FBXL7: variants seen among roughly 807,000 people sequenced by gnomAD.
The protein encoded by FBXL7 is F-box/LRR-repeat protein 7.
In FBXL7, 12 loss-of-function variants were observed where a neutral mutation model predicts 38.3. That is an observed-to-expected ratio of 0.31 (90% CI 0.20 to 0.51). The LOEUF is 0.51. FBXL7 is among the 20% of genes least tolerant of loss of function. The pLI is 0.98. For missense variants in FBXL7, 567 were observed against 676.4 expected (o/e 0.84, Z 1.79); for synonymous variants, 297 against 300.9 (o/e 0.99, Z 0.13).
At chr5:15,615,800 A>G (rs970538840) in intron 1 of FBXL7, among the ~76,000 whole-genome samples, 183 bp from the exon 2 acceptor site, 4 of 152,224 alleles carry the variant, frequency 2.6e-5, no homozygotes, top group African/African-American at 9.6e-5. Flanking sequence ...TATAACATGG[A>G]TCAGATATTT....
chr5:15,654,389 C>T (rs1741807593), intron 2 of FBXL7, among the ~76,000 whole-genome samples: 1 of 143,198 alleles, frequency 7.0e-6, no homozygotes. Flanking sequence ...CCTTTTAATT[C>T]TGTATGGGAG....
chr5:15,736,881 T>C (rs1561105972), intron 2 of FBXL7, among the ~76,000 whole-genome samples: 1 of 152,238 alleles, frequency 6.6e-6, no homozygotes, highest in Non-Finnish European at 1.5e-5. Flanking sequence ...TCATGACTAC[T>C]GAGAGTTGGA....
intron 1 of FBXL7, among the ~76,000 whole-genome samples, chr5:15,586,454 T>C (rs548637070): frequency 6.6e-6 from 1 of 151,822 alleles, no homozygotes; most frequent in South Asian, 2.1e-4. Flanking sequence ...TGGAAACATA[T>C]AACTTTCATG....
At chr5:15,727,796 G>T (rs947384312) in intron 2 of FBXL7, among the ~76,000 whole-genome samples, 2 of 152,080 alleles carry the variant, frequency 1.3e-5, no homozygotes, top group African/African-American at 4.8e-5. Flanking sequence ...CATTACTTCT[G>T]TAAATATTCT....
At chr5:15,540,163 T>C (rs2126405798) in intron 1 of FBXL7, among the ~76,000 whole-genome samples, 1 of 152,302 alleles carries the variant, frequency 6.6e-6, no homozygotes, top group South Asian at 2.1e-4. Context: ...CTTCTGTTCT[T>C]GTCCCTCTAA....
intron 2 of FBXL7, among the ~76,000 whole-genome samples, chr5:15,621,731 T>C (rs1740650517): frequency 6.6e-6 from 1 of 152,238 alleles, no homozygotes; most frequent in Non-Finnish European, 1.5e-5. Context: ...GAGTCAGCTT[T>C]GGCCAGCTGT....
intron 2 of FBXL7, among the ~76,000 whole-genome samples, chr5:15,891,657 T>C (rs1740907756): frequency 6.6e-6 from 1 of 152,218 alleles, no homozygotes; most frequent in African/African-American, 2.4e-5. Flanking sequence ...GAGAGGATTA[T>C]TATTTTAAAG....
At chr5:15,803,201 T>C (rs750555134) in intron 2 of FBXL7, among the ~76,000 whole-genome samples, 2 of 152,172 alleles carry the variant, frequency 1.3e-5, no homozygotes, top group Non-Finnish European at 2.9e-5. Flanking sequence ...TGTTCCTAAA[T>C]ATAACATAAG....
intron 2 of FBXL7, among the ~76,000 whole-genome samples, chr5:15,844,783 C>G (rs985964335): frequency 6.6e-6 from 1 of 152,046 alleles, no homozygotes; most frequent in South Asian, 2.1e-4. Context: ...GTGTGCTTGA[C>G]AGGGAACCCA....
chr5:15,697,313 A>G (rs1436376414), intron 2 of FBXL7, among the ~76,000 whole-genome samples: 1 of 152,196 alleles, frequency 6.6e-6, no homozygotes, highest in Non-Finnish European at 1.5e-5. Flanking sequence ...CTAAAAGCAC[A>G]AAATTTATAA....
At chr5:15,652,227 T>TC (rs1741733541) in intron 2 of FBXL7, among the ~76,000 whole-genome samples, 1 of 151,338 alleles carries the variant, frequency 6.6e-6, no homozygotes, top group Admixed American at 6.6e-5. Context: ...CACTATCTTA[T>TC]CATTTGTGTG....
chr5:15,803,272 G>T (rs1737618863), intron 2 of FBXL7, among the ~76,000 whole-genome samples: 1 of 152,054 alleles, frequency 6.6e-6, no homozygotes, highest in Non-Finnish European at 1.5e-5. Flanking sequence ...TTGAGTCATT[G>T]TTCGGTATCA....
chr5:15,664,535 G>A (rs1186885396), intron 2 of FBXL7, among the ~76,000 whole-genome samples: 2 of 135,466 alleles, frequency 1.5e-5, no homozygotes, highest in Non-Finnish European at 3.0e-5. Flanking sequence ...GCAGTGGCAC[G>A]ATTTTGGCTT....
At chr5:15,791,890 C>G (rs1230419009) in intron 2 of FBXL7, among the ~76,000 whole-genome samples, 1 of 152,152 alleles carries the variant, frequency 6.6e-6, no homozygotes, top group Non-Finnish European at 1.5e-5. Context: ...GGCTGCTGGG[C>G]TCCAAACAGG....
chr5:15,677,759 G>A lies in FBXL7; in HGVS notation c.127+61687G>A, dbSNP rs1742711663. On this transcript the variant is annotated intron_variant, in intron 2 of 3. Coordinates refer to ENST00000504595, the MANE Select transcript of FBXL7 (RefSeq NM_012304.5). ...TATCTTAGGCTACCGTGTGTATTTA[G>A]TTTCTGAACCACCACCCTAGTCAGC... 3.3e-5 allele frequency among the ~76,000 whole-genome samples: 5 copies of A among 152,124 alleles called. No homozygotes were observed. In the South Asian group the frequency reaches 1.0e-3, roughly 32 times the overall value.
intron 2 of FBXL7, among the ~76,000 whole-genome samples, chr5:15,894,705 T>G (rs897066192): frequency 3.9e-5 from 6 of 152,322 alleles, no homozygotes; most frequent in Admixed American, 2.6e-4. Context: ...ATGTCAAATC[T>G]TGACACAATA....
At chr5:15,886,131 T>G (rs1201355361) in intron 2 of FBXL7, among the ~76,000 whole-genome samples, 1 of 152,180 alleles carries the variant, frequency 6.6e-6, no homozygotes, top group Non-Finnish European at 1.5e-5. Flanking sequence ...AAAGCTGGAA[T>G]GTTCTCTACC....
In FBXL7 at chr5:15,671,297, T is replaced by G. The variant is rs963355577; in HGVS notation, c.127+55225T>G. On this transcript the variant is annotated intron_variant, in intron 2 of 3. Transcript: ENST00000504595. ...CCTTTAATTTCAGCTAACTAACTCT[T>G]GCCCCTTCTTCAGTATAAATCGATT... 1.6e-4 allele frequency among the ~76,000 whole-genome samples: 25 copies of G among 152,352 alleles called. 2 individuals are homozygous for G. The highest frequency in any genetic ancestry group is 1.4e-3 in the Admixed American group (21 of 15,294).
At chr5:15,540,048 A>AAACCAG (rs1179961967) in intron 1 of FBXL7, among the ~76,000 whole-genome samples, 387 of 152,272 alleles carry the variant, frequency 2.5e-3, no homozygotes, top group Admixed American at 7.4e-3. Flanking sequence ...GGAGTAGGAT[A>AAACCAG]TAGGACAGTT....
Sources: allele counts gnomAD v4.1 joint callset (sites outside exome capture counted in the v4.1 genomes callset), GRCh38; gene constraint gnomAD v4.1.1; transcripts MANE v1.5; gene names NCBI Gene and HGNC (gene_info 2026-07-23, HGNC 2026-07-21).